The following PPP1R13B variants were observed in gnomAD, a reference collection of about 807,000 sequenced individuals.
PPP1R13B encodes apoptosis-stimulating of p53 protein 1.
A neutral mutation model predicts 119.8 loss-of-function variants in PPP1R13B; 44 were observed. The observed-to-expected ratio is 0.37, with a 90% CI of 0.29 to 0.47. The LOEUF is 0.47. Among genes scored for constraint, PPP1R13B ranks in the 20% least tolerant of loss-of-function variants. PPP1R13B has a pLI of 0.99. For missense variants in PPP1R13B, 1,227 were observed against 1,413.5 expected (o/e 0.87, Z 2.12); for synonymous variants, 542 against 561.5 (o/e 0.97, Z 0.49).
intron 1 of PPP1R13B, among the ~76,000 whole-genome samples, chr14:103,831,247 G>A (rs1437251698): frequency 6.6e-6 from 1 of 150,530 alleles, no homozygotes; most frequent in Non-Finnish European, 1.5e-5. Flanking sequence ...CCGGCCTCAA[G>A]TAATATTTTT....
Position 103,746,511 on chromosome 14 carries a change from T to C in PPP1R13B, c.1012A>G (p.Ser338Gly). 1 of 1,612,974 alleles carries C rather than the reference T, an allele frequency of 6.2e-7. No individual in the cohort carries two copies. The highest frequency in any genetic ancestry group is 1.1e-5 in the South Asian group (1 of 90,988). The stretch of plus-strand genomic sequence containing the variant: ...ACAGCAGCGACCCTGCCCGATGTGC[T>C]CAGAGGGGACTGTGGTGATGACGTG... Reference protein sequence around the residue: ...NGTSSPQSPLSTSGRVAAVGP... With the variant: ...NGTSSPQSPLGTSGRVAAVGP... Residue 338 changes from serine (S) to glycine (G), a missense_variant, in exon 9 of 17, where the codon AGC (serine) becomes GGC (glycine). Transcript: ENST00000202556.
At chr14:103,778,193 A>T (rs2085253392) in intron 4 of PPP1R13B, among the ~76,000 whole-genome samples, 1 of 147,564 alleles carries the variant, frequency 6.8e-6, no homozygotes, top group African/African-American at 2.5e-5. Flanking sequence ...ACCTCAGGGG[A>T]TCTGCCCGCC....
intron 1 of PPP1R13B, 129 bp from the exon 2 acceptor site, chr14:103,797,647 A>G: frequency 2.1e-6 from 1 of 482,034 alleles, no homozygotes; most frequent in Non-Finnish European, 3.6e-6. Context: ...TCTGGAAATA[A>G]TAATAGATAA....
intron 4 of PPP1R13B, among the ~76,000 whole-genome samples, chr14:103,770,633 A>G (rs2085045854): frequency 6.6e-6 from 1 of 152,198 alleles, no homozygotes; most frequent in African/African-American, 2.4e-5. Flanking sequence ...ATCAAAGTGC[A>G]CAGATAACAA....
intron 7 of PPP1R13B, among the ~76,000 whole-genome samples, 188 bp downstream of exon 7, chr14:103,752,812 C>G (rs1234223815): frequency 1.3e-5 from 2 of 152,110 alleles, no homozygotes; most frequent in Non-Finnish European, 2.9e-5. Flanking sequence ...GGATTATAGG[C>G]GTGAGCTACC....
At chr14:103,832,479 A>C (rs545757113) in intron 1 of PPP1R13B, among the ~76,000 whole-genome samples, 5 of 152,318 alleles carry the variant, frequency 3.3e-5, no homozygotes, top group Non-Finnish European at 7.4e-5. Context: ...TGTAAGAATA[A>C]AGGTTATGTG....
At chr14:103,809,264 C>A (rs755562050) in intron 1 of PPP1R13B, among the ~76,000 whole-genome samples, 1 of 152,116 alleles carries the variant, frequency 6.6e-6, no homozygotes. Flanking sequence ...GTTTTACTTG[C>A]GTTAATAATT....
chr14:103,827,730 C>T (rs2086581424), intron 1 of PPP1R13B, among the ~76,000 whole-genome samples: 1 of 150,974 alleles, frequency 6.6e-6, no homozygotes, highest in Non-Finnish European at 1.5e-5. Flanking sequence ...ACTTCGATAA[C>T]AATTGGTTGT....
At chr14:103,789,612 C>T (rs1176814390) in intron 2 of PPP1R13B, among the ~76,000 whole-genome samples, 1 of 152,030 alleles carries the variant, frequency 6.6e-6, no homozygotes, top group Non-Finnish European at 1.5e-5. Flanking sequence ...CTCCCGGGTT[C>T]AAGCGATTCT....
intron 1 of PPP1R13B, among the ~76,000 whole-genome samples, chr14:103,838,803 C>T (rs182172487): frequency 6.6e-5 from 10 of 152,254 alleles, no homozygotes; most frequent in African/African-American, 2.2e-4. Flanking sequence ...TACTATTATG[C>T]TCAACTCAGA....
At position 103,763,170 on chromosome 14, in the gene PPP1R13B, G is replaced by A. The variant is rs1447679864; in HGVS notation, c.355-5419C>T. On this transcript the variant is annotated intron_variant, in intron 4 of 16. Coordinates refer to ENST00000202556, the MANE Select transcript of PPP1R13B (RefSeq NM_015316.3). ...TGACAGGGATAATGAGATGGACCCG[G>A]ATTTCAGAAACAATAAAATGTGGAA... 3 of 603,782 alleles carry A rather than the reference G, an allele frequency of 5.0e-6. No homozygotes were observed. In the African/African-American group the frequency reaches 5.6e-5, roughly 11 times the overall value. 37.4% of individuals were successfully genotyped at this position (603,782 alleles called of 1,614,324 possible).
intron 8 of PPP1R13B, among the ~76,000 whole-genome samples, chr14:103,748,899 A>C (rs577372236): frequency 6.6e-6 from 1 of 152,358 alleles, no homozygotes; most frequent in East Asian, 1.9e-4. Context: ...GAAAAAGACA[A>C]GGTGAGCAGT....
intron 1 of PPP1R13B, among the ~76,000 whole-genome samples, chr14:103,842,732 T>C (rs376232322): frequency 6.6e-6 from 1 of 151,112 alleles, no homozygotes; most frequent in South Asian, 2.1e-4. Flanking sequence ...TCCCACCACT[T>C]TGGGAGGCTG....
chr14:103,793,266 C>G (rs1261407587), intron 2 of PPP1R13B, among the ~76,000 whole-genome samples: 1 of 152,098 alleles, frequency 6.6e-6, no homozygotes, highest in East Asian at 1.9e-4. Context: ...TATGTCCCCA[C>G]CCAAATCTCA....
At chr14:103,739,640 A>G (rs1026129310) in intron 12 of PPP1R13B, among the ~76,000 whole-genome samples, 184 bp downstream of exon 12, 3 of 152,108 alleles carry the variant, frequency 2.0e-5, no homozygotes, top group African/African-American at 4.8e-5. Flanking sequence ...GCCGAGCCCC[A>G]TTTGTCATGC....
chr14:103,753,114 A>G lies in PPP1R13B; in HGVS notation c.714T>C (p.Leu238=), dbSNP rs1456980525. 1 of 1,613,944 alleles carries G rather than the reference A, an allele frequency of 6.2e-7. No homozygotes were observed. The highest frequency in any genetic ancestry group is 1.7e-5 in the Admixed American group (1 of 60,026). ...TCTTTAAATCTTCCAATTGCTGACTAAGCTGATCAACCCTTAAAATTGCAG... is the reference window on the plus strand; with the variant it reads ...TCTTTAAATCTTCCAATTGCTGACTGAGCTGATCAACCCTTAAAATTGCAG... ...VQTAILRVDQ[L]SQQLEDLKKG... The change falls in exon 7 of 17, where the codon CTT becomes CTC. Residue 238 remains leucine (L), a synonymous_variant. Coordinates refer to ENST00000202556, the MANE Select transcript of PPP1R13B (RefSeq NM_015316.3).
intron 1 of PPP1R13B, among the ~76,000 whole-genome samples, chr14:103,838,218 AC>A (rs2086822693): frequency 1.3e-5 from 2 of 151,496 alleles, no homozygotes; most frequent in Non-Finnish European, 3.0e-5. Flanking sequence ...TGGCACACAC[AC>A]ACACACACAC....
At chr14:103,796,795 A>G (rs528429698) in intron 2 of PPP1R13B, among the ~76,000 whole-genome samples, 39 of 152,188 alleles carry the variant, frequency 2.6e-4, no homozygotes, top group Middle Eastern at 3.4e-3. Flanking sequence ...CGATTCTACT[A>G]AAAATACAAA....
chr14:103,776,308 G>A (rs1423126308), intron 4 of PPP1R13B, among the ~76,000 whole-genome samples: 1 of 152,092 alleles, frequency 6.6e-6, no homozygotes, highest in African/African-American at 2.4e-5. Context: ...AAAGTTGATA[G>A]TACAAATAAA....
Sources: gnomAD v4.1 joint callset for allele counts (sites outside exome capture counted in the v4.1 genomes callset) on GRCh38, gnomAD v4.1.1 for gene constraint, MANE v1.5 for transcripts, NCBI Gene and HGNC (gene_info 2026-07-23, HGNC 2026-07-21) for gene names.